Variants in ULK4 observed in about 807,000 individuals in gnomAD.
The protein encoded by ULK4 is unc-51 like kinase 4.
In ULK4, 133 loss-of-function variants were observed where a neutral mutation model predicts 160.6. That is an observed-to-expected ratio of 0.83 (90% CI 0.72 to 0.96). The LOEUF (loss-of-function observed/expected upper bound fraction) is 0.96. ULK4 is among the 40% of genes least tolerant of loss of function. ULK4 has a pLI of 0.00. For synonymous variants in ULK4, 534 were observed against 539.8 expected (o/e 0.99, Z 0.15); for missense variants, 1,580 against 1,499.5 (o/e 1.05, Z -0.89).
intron 22 of ULK4, among the ~76,000 whole-genome samples, chr3:41,733,575 A>G (rs1285513556): frequency 6.6e-6 from 1 of 152,052 alleles, no homozygotes; most frequent in Non-Finnish European, 1.5e-5. Flanking sequence ...AATATTTATA[A>G]AAAGAGGTAA....
intron 35 of ULK4, among the ~76,000 whole-genome samples, chr3:41,331,154 G>A (rs1053643908): frequency 1.3e-5 from 2 of 152,092 alleles, no homozygotes; most frequent in Non-Finnish European, 2.9e-5. Context: ...TAGGTCTGGC[G>A]GGCAAGTATT....
chr3:41,773,752 C>A (rs534002784), intron 21 of ULK4, among the ~76,000 whole-genome samples: 356 of 152,236 alleles, frequency 2.3e-3, no homozygotes, highest in Non-Finnish European at 4.4e-3. Context: ...AAAAAAGAGC[C>A]GGCATTGCCA....
chr3:41,750,154 T>G (rs2038566522), intron 22 of ULK4, among the ~76,000 whole-genome samples: 1 of 152,136 alleles, frequency 6.6e-6, no homozygotes, highest in Non-Finnish European at 1.5e-5. Flanking sequence ...AAGCCCAGAC[T>G]CCTGACCCAT....
chr3:41,515,976 T>C (rs868505965), intron 32 of ULK4, among the ~76,000 whole-genome samples: 9 of 152,246 alleles, frequency 5.9e-5, no homozygotes, highest in South Asian at 4.1e-4. Context: ...TTTCTTTAAA[T>C]CTATTTGTTG....
intron 35 of ULK4, among the ~76,000 whole-genome samples, chr3:41,279,022 A>T (rs2079287632): frequency 6.6e-6 from 1 of 152,136 alleles, no homozygotes; most frequent in African/African-American, 2.4e-5. Context: ...GCATGTTCTA[A>T]CCCATTGCAA....
intron 35 of ULK4, among the ~76,000 whole-genome samples, chr3:41,378,333 C>G (rs1319573194): frequency 1.3e-5 from 2 of 151,186 alleles, no homozygotes. Flanking sequence ...ATGTAACTAA[C>G]CTGCACAATG....
intron 17 of ULK4, among the ~76,000 whole-genome samples, chr3:41,840,916 TCTGGGATGTGAGGAGCGCCTCTGC>T (rs1222812721): frequency 2.7e-5 from 4 of 145,466 alleles, no homozygotes; most frequent in Non-Finnish European, 4.5e-5. Context: ...CACCACCCTG[TCTGGGATGTGAGGAGCGCCTCTGC>T]CCGGCCACCC....
intron 16 of ULK4, among the ~76,000 whole-genome samples, chr3:41,885,565 C>A (rs1408143921): frequency 6.6e-6 from 1 of 152,166 alleles, no homozygotes; most frequent in Non-Finnish European, 1.5e-5. Context: ...ATCTAACAAA[C>A]CTTTGTGCCC....
chr3:41,713,210 T>C (rs751193162), intron 25 of ULK4, among the ~76,000 whole-genome samples: 4 of 152,164 alleles, frequency 2.6e-5, no homozygotes, highest in Non-Finnish European at 5.9e-5. Flanking sequence ...TTTCTAAGGG[T>C]CTGTAGAATG....
chr3:41,440,126 A>G (rs1477812289), intron 34 of ULK4, among the ~76,000 whole-genome samples: 2 of 152,192 alleles, frequency 1.3e-5, no homozygotes, highest in African/African-American at 4.8e-5. Flanking sequence ...CAACATAGAC[A>G]TCATGTCATC....
intron 30 of ULK4, among the ~76,000 whole-genome samples, chr3:41,635,514 A>T (rs1431949377): frequency 6.6e-6 from 1 of 152,214 alleles, no homozygotes; most frequent in Non-Finnish European, 1.5e-5. Flanking sequence ...ATATAATCCC[A>T]CTATTCCAAA....
At chr3:41,751,152 C>T (rs1354992801) in intron 22 of ULK4, among the ~76,000 whole-genome samples, 1 of 151,498 alleles carries the variant, frequency 6.6e-6, no homozygotes, top group Non-Finnish European at 1.5e-5. Context: ...CTACTCAGTA[C>T]CCAATCAGGA....
chr3:41,313,957 G>A (rs62257646), intron 35 of ULK4, among the ~76,000 whole-genome samples: 36,856 of 151,990 alleles, frequency 0.24, 5,551 homozygotes, highest in South Asian at 0.33. Context: ...TAGCCACTGC[G>A]TCCCAGGGAA....
intron 21 of ULK4, among the ~76,000 whole-genome samples, chr3:41,762,087 GAAAC>G (rs1241334896): frequency 6.6e-6 from 1 of 151,880 alleles, no homozygotes; most frequent in Non-Finnish European, 1.5e-5. Context: ...CTGTCTCAGG[GAAAC>G]AAACAAACAA....
chr3:41,828,784 A>T (rs974181619), intron 18 of ULK4, among the ~76,000 whole-genome samples: 18 of 152,082 alleles, frequency 1.2e-4, no homozygotes, highest in African/African-American at 1.9e-4. Flanking sequence ...TTACAGAATT[A>T]GAAAAAACTA....
chr3:41,292,412 C>G (rs538473184), intron 35 of ULK4, among the ~76,000 whole-genome samples: 2 of 152,090 alleles, frequency 1.3e-5, no homozygotes, highest in South Asian at 4.1e-4. Context: ...GTGCCCTCTA[C>G]TGAGGGTGGA....
At chr3:41,279,348 A>G (rs1304583476) in intron 35 of ULK4, among the ~76,000 whole-genome samples, 1 of 152,074 alleles carries the variant, frequency 6.6e-6, no homozygotes, top group East Asian at 1.9e-4. Flanking sequence ...GATGTACCTG[A>G]AAATGACGGG....
intron 17 of ULK4, 149 bp from the exon 18 acceptor site, chr3:41,836,120 T>C (rs1443598484): frequency 1.2e-5 from 7 of 587,834 alleles, no homozygotes; most frequent in Non-Finnish European, 2.1e-5. Flanking sequence ...CTTATATTCC[T>C]GAAAATACAG....
intron 30 of ULK4, among the ~76,000 whole-genome samples, chr3:41,657,364 A>C (rs2125750244): frequency 6.6e-6 from 1 of 152,362 alleles, no homozygotes; most frequent in African/African-American, 2.4e-5. Flanking sequence ...CTCATAATAT[A>C]TACAAACAAA....
Sources: gnomAD v4.1 joint callset for allele counts (sites outside exome capture counted in the v4.1 genomes callset) on GRCh38, gnomAD v4.1.1 for gene constraint, MANE v1.5 for transcripts, NCBI Gene and HGNC (gene_info 2026-07-23, HGNC 2026-07-21) for gene names.